The following FBXO42 variants were observed in gnomAD, a reference collection of about 807,000 sequenced individuals.
The protein encoded by FBXO42 is F-box protein 42, also known as F-box only protein 42.
FBXO42 carries 12 observed loss-of-function variants against 71.7 expected under a neutral mutation model. That is an observed-to-expected ratio of 0.17 (90% CI 0.11 to 0.27). The LOEUF is 0.27. Ranked by LOEUF, FBXO42 falls within the 10% of genes least tolerant of loss-of-function variation. FBXO42 has a pLI of 1.00. For missense variants in FBXO42, 707 were observed against 911.9 expected, an observed-to-expected ratio of 0.78 and a Z score of 2.89; for synonymous variants, 325 against 327.5, an observed-to-expected ratio of 0.99 and a Z score of 0.08.
chr1:16,324,379 A>G (rs2082433627), intron 1 of FBXO42, among the ~76,000 whole-genome samples: 3 of 152,240 alleles, frequency 2.0e-5, no homozygotes, highest in Non-Finnish European at 4.4e-5. Flanking sequence ...CCAAGGACAC[A>G]TAAATTAATA....
chr1:16,311,302 C>A (rs1457277691), intron 2 of FBXO42, among the ~76,000 whole-genome samples: 1 of 149,774 alleles, frequency 6.7e-6, no homozygotes, highest in East Asian at 1.9e-4. Flanking sequence ...CACAGTGAGA[C>A]CCCATCTCTA....
At position 16,309,634 on chromosome 1, in the gene FBXO42, G is replaced by A. The variant is rs375525796; in HGVS notation, c.251-3715C>T. Among the ~76,000 whole-genome samples the A allele has an allele frequency of 7.9e-5, 12 of 152,154 alleles. No individual in the cohort carries two copies. In the East Asian group the frequency reaches 1.9e-3, roughly 25 times the overall value. ...AGAATGGCCAGGCATGGTAGCTCAC[G>A]CCTGTAATCCCAACACTTTGGGAGG... is the stretch of plus-strand genomic sequence containing the variant. On this transcript the variant is annotated intron_variant, in intron 2 of 9. Transcript: ENST00000375592.
intron 1 of FBXO42, among the ~76,000 whole-genome samples, chr1:16,334,922 GA>G (rs2082537439): frequency 6.6e-6 from 1 of 151,786 alleles, no homozygotes; most frequent in Non-Finnish European, 1.5e-5. Flanking sequence ...TTAGTATCAG[GA>G]AGAAAAAACT....
rs1553156684 is a variant in FBXO42 at position 16,350,757 on chromosome 1, A to AGAAAGAAAGAAAGAAAGAAAGAAAG, written c.-18+1497_-18+1498insCTTTCTTTCTTTCTTTCTTTCTTTC. Among the ~76,000 whole-genome samples the AGAAAGAAAGAAAGAAAGAAAGAAAG allele has an allele frequency of 1.1e-3, 50 of 44,266 alleles. 2 individuals carry two copies. The highest frequency in any genetic ancestry group is 1.9e-3 in the Non-Finnish European group (47 of 24,386). The allele number at this position is 44,266 out of a possible 152,430, so 29.0% of individuals were successfully genotyped here. On this transcript the variant is annotated intron_variant, in intron 1 of 9. Coordinates refer to ENST00000375592, the MANE Select transcript of FBXO42 (RefSeq NM_018994.3). ...GTGAGAAACTGCAAAAAAAAAAAAA[A>AGAAAGAAAGAAAGAAAGAAAGAAAG]AAAGAAAGAAAGAAAGAAAGAAAGA...
intron 4 of FBXO42, among the ~76,000 whole-genome samples, chr1:16,259,789 G>GA (rs1351302034): frequency 6.8e-6 from 1 of 147,860 alleles, no homozygotes; most frequent in South Asian, 2.1e-4. Flanking sequence ...AAGAAAGAAA[G>GA]AAAAAAAAGA....
intron 1 of FBXO42, among the ~76,000 whole-genome samples, chr1:16,336,434 T>C (rs768349560): frequency 6.6e-6 from 1 of 151,014 alleles, no homozygotes; most frequent in Non-Finnish European, 1.5e-5. Context: ...TCTTGGCTCA[T>C]TGCAACCTCC....
intron 1 of FBXO42, 132 bp from the exon 2 acceptor site, chr1:16,315,567 A>G (rs571329614): frequency 4.8e-6 from 4 of 827,168 alleles, no homozygotes; most frequent in Non-Finnish European, 7.3e-6. Context: ...GCACTTTCCA[A>G]TACCACTTGT....
chr1:16,262,450 T>C (rs2081724812), intron 4 of FBXO42, among the ~76,000 whole-genome samples: 1 of 152,182 alleles, frequency 6.6e-6, no homozygotes, highest in Non-Finnish European at 1.5e-5. Flanking sequence ...CTCAAGCCTG[T>C]AATCCTAGCA....
chr1:16,298,507 T>G (rs2100539822), intron 3 of FBXO42, among the ~76,000 whole-genome samples: 1 of 152,164 alleles, frequency 6.6e-6, no homozygotes, highest in Middle Eastern at 3.4e-3. Context: ...CAATGTCCTA[T>G]GAGTTATTTA....
intron 1 of FBXO42, among the ~76,000 whole-genome samples, chr1:16,343,912 G>C (rs2082630578): frequency 6.6e-6 from 1 of 151,058 alleles, no homozygotes; most frequent in African/African-American, 2.4e-5. Flanking sequence ...CAGGAGATTG[G>C]GGCTGCATTG....
chr1:16,259,084 G>A (rs2081681371), intron 4 of FBXO42, among the ~76,000 whole-genome samples: 1 of 152,134 alleles, frequency 6.6e-6, no homozygotes, highest in African/African-American at 2.4e-5. Context: ...CTGAAGTGCT[G>A]AGGTATTCTC....
At chr1:16,340,712 C>T (rs1357802680) in intron 1 of FBXO42, among the ~76,000 whole-genome samples, 1 of 152,154 alleles carries the variant, frequency 6.6e-6, no homozygotes, top group Non-Finnish European at 1.5e-5. Flanking sequence ...TCTTACAATG[C>T]TTTATACACT....
At chr1:16,286,283 G>A (rs971670987) in intron 4 of FBXO42, among the ~76,000 whole-genome samples, 2 of 152,148 alleles carry the variant, frequency 1.3e-5, no homozygotes, top group African/African-American at 4.8e-5. Context: ...ACCCAAGACT[G>A]AGTAATTTAT....
intron 4 of FBXO42, among the ~76,000 whole-genome samples, chr1:16,264,424 G>A (rs755104158): frequency 8.5e-5 from 13 of 152,140 alleles, no homozygotes; most frequent in Non-Finnish European, 1.3e-4. Context: ...ATACTCATTA[G>A]GACATTTCCT....
At chr1:16,340,384 TC>T (rs1455616765) in intron 1 of FBXO42, among the ~76,000 whole-genome samples, 10 of 151,972 alleles carry the variant, frequency 6.6e-5, no homozygotes, top group Admixed American at 6.6e-4. Flanking sequence ...AATAGTGCCA[TC>T]TCGGCTCACT....
chr1:16,320,015 G>C (rs2082399026), intron 1 of FBXO42, among the ~76,000 whole-genome samples: 1 of 151,904 alleles, frequency 6.6e-6, no homozygotes, highest in Non-Finnish European at 1.5e-5. Context: ...TCGCTAGAGG[G>C]AGGCCTTTCA....
intron 4 of FBXO42, among the ~76,000 whole-genome samples, chr1:16,262,616 G>T (rs947923631): frequency 2.0e-5 from 3 of 152,146 alleles, no homozygotes; most frequent in African/African-American, 7.2e-5. Context: ...CTTGAACCTG[G>T]GAGGTGGAGG....
At chr1:16,318,736 AG>A (rs1344576728) in intron 1 of FBXO42, among the ~76,000 whole-genome samples, 1 of 152,216 alleles carries the variant, frequency 6.6e-6, no homozygotes, top group African/African-American at 2.4e-5. Context: ...TTCTGGAAGA[AG>A]TGCAGAAGCA....
At chr1:16,290,537 C>A (rs934170443) in intron 4 of FBXO42, among the ~76,000 whole-genome samples, 4 of 152,054 alleles carry the variant, frequency 2.6e-5, no homozygotes, top group Non-Finnish European at 5.9e-5. Context: ...ACTAAAAATA[C>A]AAAAATTAGC....
Sources: gnomAD v4.1 joint callset for allele counts (sites outside exome capture counted in the v4.1 genomes callset) on GRCh38, gnomAD v4.1.1 for gene constraint, MANE v1.5 for transcripts, NCBI Gene and HGNC (gene_info 2026-07-23, HGNC 2026-07-21) for gene names.